Variants in PBRM1 observed in about 807,000 individuals in gnomAD.
The protein encoded by PBRM1 is polybromo 1, also known as protein polybromo-1.
PBRM1 carries 27 observed loss-of-function variants against 194.5 expected under a neutral mutation model. That is an observed-to-expected ratio of 0.14 (90% CI 0.10 to 0.19). PBRM1 has a LOEUF of 0.19. Ranked by LOEUF, PBRM1 falls within the 10% of genes least tolerant of loss-of-function variation. The pLI is 1.00. For missense variants in PBRM1, 1,466 were observed against 2,077.2 expected, an observed-to-expected ratio of 0.71 and a Z score of 5.72; for synonymous variants, 655 against 693.2, an observed-to-expected ratio of 0.94 and a Z score of 0.87.
At chr3:52,666,656 C>T (rs751567908) in intron 3 of PBRM1, among the ~76,000 whole-genome samples, 34 of 152,112 alleles carry the variant, frequency 2.2e-4, no homozygotes, top group Non-Finnish European at 4.6e-4. Flanking sequence ...CTTGGGAGAC[C>T]GAGGCGGGTC....
At chr3:52,588,922 T>C in intron 18 of PBRM1, 148 bp downstream of exon 20, 1 of 605,630 alleles carries the variant, frequency 1.7e-6, no homozygotes, top group East Asian at 3.0e-5. Flanking sequence ...TTTCATATGA[T>C]GGGTGCTTAC....
rs190537997 is a variant in PBRM1, at chr3:52,638,479, C to G, written c.1087+3475G>C. 7.2e-3 allele frequency among the ~76,000 whole-genome samples: 1,093 copies of G among 152,144 alleles called. 11 individuals carry two copies. The highest frequency in any genetic ancestry group is 0.025 in the African/African-American group (1,031 of 41,516). On this transcript the variant is annotated intron_variant, in intron 10 of 29. Transcript: ENST00000296302. ...GTTCAAGCAATTCTCCTGCCTCAGC[C>G]TCCTGAGCAGCTGGGATTACAGGCG...
intron 5 of PBRM1, among the ~76,000 whole-genome samples, chr3:52,656,645 A>G (rs2096613653): frequency 6.6e-6 from 1 of 152,236 alleles, no homozygotes; most frequent in Non-Finnish European, 1.5e-5. Flanking sequence ...AGCCTGGGTG[A>G]CAGAACGAGA....
intron 7 of PBRM1, among the ~76,000 whole-genome samples, chr3:52,647,053 A>C (rs1237689534): frequency 6.6e-6 from 1 of 152,188 alleles, no homozygotes; most frequent in East Asian, 1.9e-4. Context: ...CTTACAACTC[A>C]ACAACAAAAA....
chr3:52,674,209 C>T (rs1188041766), intron 2 of PBRM1, among the ~76,000 whole-genome samples: 19 of 151,678 alleles, frequency 1.3e-4, no homozygotes, highest in Admixed American at 1.1e-3. Flanking sequence ...GAGCTGAGCA[C>T]GGTGGCTCAC....
intron 3 of PBRM1, 150 bp downstream of exon 4, chr3:52,668,348 A>T: frequency 1.8e-6 from 1 of 568,162 alleles, no homozygotes; most frequent in Non-Finnish European, 3.1e-6. Context: ...AAATCATATG[A>T]ATGTCCAGTC....
At chr3:52,665,259 A>G (rs1285052545) in intron 3 of PBRM1, among the ~76,000 whole-genome samples, 1 of 152,004 alleles carries the variant, frequency 6.6e-6, no homozygotes, top group Non-Finnish European at 1.5e-5. Flanking sequence ...GGCTCAAATG[A>G]TCCTTCCACC....
intron 26 of PBRM1, among the ~76,000 whole-genome samples, chr3:52,557,550 G>A (rs2082472295): frequency 6.6e-6 from 1 of 152,182 alleles, no homozygotes; most frequent in African/African-American, 2.4e-5. Flanking sequence ...TTCAAGAACA[G>A]TCAAATTTGC....
chr3:52,678,659 T>C lies in PBRM1; in HGVS notation c.139-62A>G, dbSNP rs2097154050. 2.9e-6 allele frequency: 3 copies of C among 1,028,092 alleles called. No homozygotes were observed. The South Asian group carries it at 4.0e-5, about 14-fold the overall frequency. 63.7% of individuals were successfully genotyped at this position (1,028,092 alleles called of 1,614,324 possible). ...AGTGAACAGAAAGCCAGTGTAGACA[T>C]AAGAATTATTTTCTACTCTTCAATA... is the stretch of plus-strand genomic sequence containing the variant. On this transcript the variant is annotated intron_variant, in intron 1 of 29. Transcript: ENST00000296302.
chr3:52,643,178 TG>T, intron 9 of PBRM1, 69 bp downstream of exon 10: 3 of 1,061,798 alleles, frequency 2.8e-6, no homozygotes, highest in Non-Finnish European at 4.4e-6. Flanking sequence ...AGATAGCCAT[TG>T]GGCAAATACT....
chr3:52,664,484 C>A (rs1317031817), intron 3 of PBRM1, among the ~76,000 whole-genome samples: 1 of 150,294 alleles, frequency 6.7e-6, no homozygotes, highest in African/African-American at 2.4e-5. Context: ...GCCTGTAATC[C>A]CAGCACTTTG....
chr3:52,646,865 G>A (rs1312037047), intron 7 of PBRM1, among the ~76,000 whole-genome samples: 1 of 152,090 alleles, frequency 6.6e-6, no homozygotes, highest in Non-Finnish European at 1.5e-5. Flanking sequence ...TGATTTATTT[G>A]ATATGACACT....
intron 16 of PBRM1, among the ~76,000 whole-genome samples, chr3:52,608,662 T>A (rs980212841): frequency 6.6e-6 from 1 of 151,828 alleles, no homozygotes; most frequent in African/African-American, 2.4e-5. Context: ...TCCAACTGTC[T>A]CTAAGTGCAC....
At chr3:52,635,491 A>G (rs1225867505) in intron 10 of PBRM1, among the ~76,000 whole-genome samples, 1 of 151,968 alleles carries the variant, frequency 6.6e-6, no homozygotes, top group African/African-American at 2.4e-5. Context: ...GCTTGAACCC[A>G]GAAGGCGGAG....
At chr3:52,629,118 G>T in intron 11 of PBRM1, 83 bp from the exon 13 acceptor site, 1 of 1,043,064 alleles carries the variant, frequency 9.6e-7, no homozygotes, top group Non-Finnish European at 1.4e-6. Flanking sequence ...GCAAAATCTT[G>T]ACAAGCACTA....
At chr3:52,591,815 GC>G (rs2093088647) in intron 17 of PBRM1, among the ~76,000 whole-genome samples, 1 of 135,302 alleles carries the variant, frequency 7.4e-6, no homozygotes, top group Non-Finnish European at 1.6e-5. Context: ...ACTGCGCCCG[GC>G]CTTTTTTTTT....
chr3:52,588,279 T>C (rs2092651373), intron 18 of PBRM1, among the ~76,000 whole-genome samples: 1 of 152,222 alleles, frequency 6.6e-6, no homozygotes, highest in Admixed American at 6.5e-5. Flanking sequence ...CTGGCTTCAT[T>C]AATTTCTATG....
At chr3:52,672,116 G>C (rs1000000822) in intron 2 of PBRM1, among the ~76,000 whole-genome samples, 1 of 152,080 alleles carries the variant, frequency 6.6e-6, no homozygotes, top group South Asian at 2.1e-4. Context: ...GTTCTAGTAC[G>C]GAGCATCTAG....
chr3:52,675,527 T>A (rs143697197), intron 2 of PBRM1, among the ~76,000 whole-genome samples: 228 of 152,350 alleles, frequency 1.5e-3, no homozygotes, highest in African/African-American at 5.4e-3. Context: ...CAGGTGGGAT[T>A]TATTCCACAG....
Sources: gnomAD v4.1 joint callset for allele counts (sites outside exome capture counted in the v4.1 genomes callset) on GRCh38, gnomAD v4.1.1 for gene constraint, MANE v1.5 for transcripts, NCBI Gene and HGNC (gene_info 2026-07-23, HGNC 2026-07-21) for gene names.